The following LIMCH1 variants were observed in gnomAD, a reference collection of about 807,000 sequenced individuals.
LIMCH1 encodes the protein LIM and calponin homology domains-containing protein 1.
In LIMCH1, 113 loss-of-function variants were observed where a neutral mutation model predicts 176.5. The observed-to-expected ratio is 0.64, with a 90% CI of 0.55 to 0.75. The LOEUF (loss-of-function observed/expected upper bound fraction) is 0.75. LIMCH1 is among the 30% of genes least tolerant of loss of function. The pLI is 0.00. For missense variants in LIMCH1, 1,674 were observed against 1,814.9 expected (o/e 0.92, Z 1.41); for synonymous variants, 619 against 645.9 (o/e 0.96, Z 0.63).
At chr4:41,654,590 C>A (rs994209209) in intron 18 of LIMCH1, among the ~76,000 whole-genome samples, 1 of 152,040 alleles carries the variant, frequency 6.6e-6, no homozygotes, top group Non-Finnish European at 1.5e-5. Context: ...TTGCAAAGAA[C>A]AGGCAAGATC....
At chr4:41,380,722 G>A (rs1041187125) in intron 1 of LIMCH1, among the ~76,000 whole-genome samples, 1 of 152,166 alleles carries the variant, frequency 6.6e-6, no homozygotes, top group Non-Finnish European at 1.5e-5. Context: ...TGCACTGGGC[G>A]ATATTGGCAG....
chr4:41,543,408 C>G (rs1449180472), intron 1 of LIMCH1, among the ~76,000 whole-genome samples: 1 of 152,118 alleles, frequency 6.6e-6, no homozygotes, highest in African/African-American at 2.4e-5. Flanking sequence ...CCTAACATAA[C>G]TTACATTTAA....
chr4:41,629,362 G>C, intron 8 of LIMCH1, 130 bp from the exon 9 acceptor site: 1 of 1,095,448 alleles, frequency 9.1e-7, no homozygotes, highest in Non-Finnish European at 1.3e-6. Flanking sequence ...TTTTGAGAAA[G>C]AGAAAAGTGT....
chr4:41,668,694 T>C (rs1010674505), intron 21 of LIMCH1, among the ~76,000 whole-genome samples: 39 of 152,326 alleles, frequency 2.6e-4, no homozygotes, highest in Non-Finnish European at 3.8e-4. Flanking sequence ...GTTGTATACT[T>C]GTATTAGTTT....
chr4:41,519,483 GT>G (rs1412611792), intron 2 of LIMCH1, among the ~76,000 whole-genome samples: 3 of 152,104 alleles, frequency 2.0e-5, no homozygotes, highest in Non-Finnish European at 4.4e-5. Context: ...CCATTAACTT[GT>G]TTCATAATTA....
chr4:41,478,536 T>C (rs1167225943), intron 1 of LIMCH1, among the ~76,000 whole-genome samples: 1 of 152,346 alleles, frequency 6.6e-6, no homozygotes, highest in East Asian at 1.9e-4. Flanking sequence ...ATGCCAAGAA[T>C]TGGTGACATA....
At chr4:41,502,750 A>G (rs1466165397) in intron 2 of LIMCH1, among the ~76,000 whole-genome samples, 1 of 151,996 alleles carries the variant, frequency 6.6e-6, no homozygotes, top group East Asian at 1.9e-4. Context: ...AGTTAGGTCT[A>G]CATTTAAAGA....
rs563468322 is a variant in LIMCH1, at chr4:41,413,654, C to T, written c.96+52718C>T. Among the ~76,000 whole-genome samples, 66 of 152,074 alleles carry T rather than the reference C, an allele frequency of 4.3e-4. No individual in the cohort carries two copies. In the South Asian group the frequency reaches 0.012, roughly 28 times the overall value. Reference sequence around the variant, plus strand: ...CTATAATTAACTTTTAAGAAAATAGCAATAGTAGTATAAAGACCAAGAGAA... The same window carrying T: ...CTATAATTAACTTTTAAGAAAATAGTAATAGTAGTATAAAGACCAAGAGAA... On this transcript the variant is annotated intron_variant, in intron 1 of 26. Transcript: ENST00000313860.
At chr4:41,411,608 C>T (rs536071226) in intron 1 of LIMCH1, among the ~76,000 whole-genome samples, 15 of 151,866 alleles carry the variant, frequency 9.9e-5, no homozygotes, top group Non-Finnish European at 1.3e-4. Context: ...CCGGATTGAT[C>T]GCTCCACCAC....
chr4:41,459,768 T>C (rs2065062079), intron 1 of LIMCH1, among the ~76,000 whole-genome samples: 1 of 152,116 alleles, frequency 6.6e-6, no homozygotes, highest in South Asian at 2.1e-4. Flanking sequence ...GAGGATATTT[T>C]TACCTCAGCC....
chr4:41,553,737 C>A (rs976926681), intron 1 of LIMCH1, among the ~76,000 whole-genome samples: 1 of 152,054 alleles, frequency 6.6e-6, no homozygotes, highest in African/African-American at 2.4e-5. Flanking sequence ...TGGTGGTGAC[C>A]TCTGATGAAA....
intron 1 of LIMCH1, among the ~76,000 whole-genome samples, chr4:41,553,073 C>A (rs369890083): frequency 6.6e-6 from 1 of 152,174 alleles, no homozygotes; most frequent in Non-Finnish European, 1.5e-5. Flanking sequence ...GCCTTCCAGG[C>A]GCTACAAGAA....
intron 18 of LIMCH1, among the ~76,000 whole-genome samples, chr4:41,653,027 T>C (rs960292758): frequency 6.6e-6 from 1 of 152,216 alleles, no homozygotes; most frequent in African/African-American, 2.4e-5. Flanking sequence ...TCTATAGTAC[T>C]TTAGGCTTTT....
At chr4:41,653,693 C>T (rs930992885) in intron 18 of LIMCH1, among the ~76,000 whole-genome samples, 3 of 152,194 alleles carry the variant, frequency 2.0e-5, no homozygotes, top group South Asian at 2.1e-4. Context: ...CAGAGAAGGG[C>T]GGCCCGAGAC....
At chr4:41,585,435 G>C (rs1039258637) in intron 1 of LIMCH1, among the ~76,000 whole-genome samples, 2 of 152,096 alleles carry the variant, frequency 1.3e-5, no homozygotes, top group Non-Finnish European at 2.9e-5. Context: ...ACCACATTTT[G>C]TTTATCTGTT....
At chr4:41,385,755 CTG>C (rs1449433469) in intron 1 of LIMCH1, 6 of 152,172 alleles carry the variant, frequency 3.9e-5, no homozygotes, top group Admixed American at 3.9e-4. Context: ...CTGGGTGACT[CTG>C]TGTTATTTAG....
chr4:41,379,736 G>A (rs976361207), intron 1 of LIMCH1, among the ~76,000 whole-genome samples: 5 of 152,114 alleles, frequency 3.3e-5, no homozygotes, highest in Admixed American at 6.6e-5. Context: ...AAATGATGAC[G>A]GTAAGATATT....
chr4:41,685,816 C>T lies in LIMCH1; in HGVS notation c.4074C>T (p.Pro1358=), dbSNP rs772643820. 2 of 1,612,996 alleles carry T rather than the reference C, an allele frequency of 1.2e-6. No homozygotes were observed. The highest frequency in any genetic ancestry group is 2.7e-5 in the African/African-American group (2 of 74,986). ...GCATTAACCATCAGATCGAGTCTCC[C>T]AGTGAAAGGCGGAAGTGAGTAACCA... ...DKSINHQIES[P]SERRKKSPRE... The change falls in exon 28 of 32, where the codon CCC becomes CCT. Residue 1358 remains proline (P), a synonymous_variant. Transcript: ENST00000503057.
intron 1 of LIMCH1, among the ~76,000 whole-genome samples, chr4:41,388,498 G>A (rs1442892202): frequency 6.6e-6 from 1 of 152,244 alleles, no homozygotes; most frequent in Non-Finnish European, 1.5e-5. Flanking sequence ...AACTGCTCAT[G>A]GGCAGGAGGA....
Sources: gnomAD v4.1 joint callset for allele counts (sites outside exome capture counted in the v4.1 genomes callset) on GRCh38, gnomAD v4.1.1 for gene constraint, MANE v1.5 for transcripts, NCBI Gene and HGNC (gene_info 2026-07-23, HGNC 2026-07-21) for gene names.